SEMA3E: variants seen among roughly 807,000 people sequenced by gnomAD.
The protein encoded by SEMA3E is semaphorin 3E, also known as semaphorin-3E.
A neutral mutation model predicts 93.6 loss-of-function variants in SEMA3E; 49 were observed. The observed-to-expected ratio is 0.52, with a 90% CI of 0.42 to 0.66. The LOEUF is 0.66. SEMA3E is among the 30% of genes least tolerant of loss of function. SEMA3E has a pLI of 0.00. For missense variants in SEMA3E, 906 were observed against 964.8 expected, an observed-to-expected ratio of 0.94 and a Z score of 0.81; for synonymous variants, 363 against 330.7, an observed-to-expected ratio of 1.10 and a Z score of -1.06.
At position 83,648,736 on chromosome 7, in the gene SEMA3E, A is replaced by C; in HGVS notation, c.-194T>G. ...TGTAAAACCTTTCTTTCCTCGGGAC[A>C]GTTGTTTATAAGCCGGGAGCAAGAG... On this transcript the variant is annotated 5_prime_UTR_variant, in exon 1 of 17. Transcript: ENST00000643230. The C allele has an allele frequency of 9.4e-6, 6 of 640,268 alleles. No individual in the cohort carries two copies. Among genetic ancestry groups the C allele is most frequent in the Non-Finnish European group, 2.8e-6 (1 of 351,360 alleles). The allele number at this position is 640,268 out of a possible 1,614,324, so 39.7% of individuals were successfully genotyped here.
At chr7:83,619,892 T>TAGATAGAC (rs1281067079) in intron 1 of SEMA3E, among the ~76,000 whole-genome samples, 11 of 123,956 alleles carry the variant, frequency 8.9e-5, no homozygotes, top group African/African-American at 1.5e-4. Context: ...AGATGATAGA[T>TAGATAGAC]AGATAGATAG....
chr7:83,449,150 A>C (rs942552241), intron 4 of SEMA3E, among the ~76,000 whole-genome samples: 2 of 151,672 alleles, frequency 1.3e-5, no homozygotes, highest in African/African-American at 4.8e-5. Context: ...CTCAGGCTGG[A>C]GTGCAGTGGC....
At chr7:83,403,670 G>C (rs941893902) in intron 9 of SEMA3E, among the ~76,000 whole-genome samples, 2 of 151,840 alleles carry the variant, frequency 1.3e-5, no homozygotes, top group African/African-American at 4.8e-5. Flanking sequence ...AAAATTCAAA[G>C]TTCTATATAA....
At chr7:83,590,700 T>G (rs1183301778) in intron 1 of SEMA3E, among the ~76,000 whole-genome samples, 1 of 152,200 alleles carries the variant, frequency 6.6e-6, no homozygotes, top group African/African-American at 2.4e-5. Flanking sequence ...TGGACCTTGC[T>G]GTCTAGCTAT....
chr7:83,385,211 T>G, intron 16 of SEMA3E, 83 bp downstream of exon 16: 3 of 1,496,850 alleles, frequency 2.0e-6, no homozygotes, highest in Non-Finnish European at 2.8e-6. Context: ...AGCTTCATTT[T>G]TCAGCATCCA....
intron 2 of SEMA3E, among the ~76,000 whole-genome samples, chr7:83,480,724 C>T (rs1790127541): frequency 6.6e-6 from 1 of 152,086 alleles, no homozygotes; most frequent in East Asian, 1.9e-4. Context: ...TCTTCTTAGA[C>T]TTAAGTTCAA....
intron 1 of SEMA3E, among the ~76,000 whole-genome samples, chr7:83,593,772 AAG>A (rs1482480826): frequency 1.3e-5 from 2 of 151,994 alleles, no homozygotes; most frequent in Non-Finnish European, 2.9e-5. Flanking sequence ...CTAGAGATAA[AAG>A]AGAGTTCGGA....
intron 11 of SEMA3E, among the ~76,000 whole-genome samples, chr7:83,397,984 C>A (rs200061138): frequency 6.6e-6 from 1 of 152,022 alleles, no homozygotes. Flanking sequence ...ATGATTAATT[C>A]GCAATTAGTG....
intron 1 of SEMA3E, among the ~76,000 whole-genome samples, chr7:83,527,224 G>A (rs956912877): frequency 6.6e-6 from 1 of 152,094 alleles, no homozygotes; most frequent in Admixed American, 6.6e-5. Flanking sequence ...CCTTCAGAGG[G>A]AACATGGTTC....
At chr7:83,639,071 A>G (rs1273987475) in intron 1 of SEMA3E, among the ~76,000 whole-genome samples, 1 of 129,068 alleles carries the variant, frequency 7.7e-6, no homozygotes, top group Non-Finnish European at 1.6e-5. Flanking sequence ...AGATCCCGCC[A>G]CTGCACTCCA....
chr7:83,631,041 C>G (rs942936738), intron 1 of SEMA3E, among the ~76,000 whole-genome samples: 3 of 151,966 alleles, frequency 2.0e-5, no homozygotes, highest in African/African-American at 7.2e-5. Flanking sequence ...AGATTTCAAG[C>G]AAATTCAAGT....
At position 83,513,022 on chromosome 7, in the gene SEMA3E, A is replaced by G. The variant is rs73176547; in HGVS notation, c.116-22748T>C. Among the ~76,000 whole-genome samples, 1,026 of 152,318 alleles carry G rather than the reference A, an allele frequency of 6.7e-3. 6 individuals carry two copies. The highest frequency in any genetic ancestry group is 8.9e-3 in the Non-Finnish European group (605 of 68,034). ...TAAAGAATTTATATTTTTGCAATGTAAAAGAGCGAGTATCACATCAATTAT... is the reference window on the plus strand; with the variant it reads ...TAAAGAATTTATATTTTTGCAATGTGAAAGAGCGAGTATCACATCAATTAT... On this transcript the variant is annotated intron_variant, in intron 1 of 16. Transcript: ENST00000643230.
chr7:83,600,740 AC>A (rs1249604006), intron 1 of SEMA3E, among the ~76,000 whole-genome samples: 1 of 151,850 alleles, frequency 6.6e-6, no homozygotes, highest in African/African-American at 2.4e-5. Context: ...AGTCATCATC[AC>A]AGATAAATAA....
chr7:83,585,099 G>A (rs550795030), intron 1 of SEMA3E, among the ~76,000 whole-genome samples: 1 of 152,176 alleles, frequency 6.6e-6, no homozygotes, highest in South Asian at 2.1e-4. Context: ...TGCATGTGCT[G>A]TTCCCTCCAT....
At chr7:83,518,444 A>T (rs574759455) in intron 1 of SEMA3E, among the ~76,000 whole-genome samples, 1 of 152,068 alleles carries the variant, frequency 6.6e-6, no homozygotes, top group African/African-American at 2.4e-5. Context: ...AGGCTGATAG[A>T]TTGGAAAAGT....
intron 10 of SEMA3E, among the ~76,000 whole-genome samples, chr7:83,401,176 A>G (rs1254115210): frequency 6.6e-6 from 1 of 152,192 alleles, no homozygotes; most frequent in Non-Finnish European, 1.5e-5. Context: ...TTAAATACTC[A>G]ACAGTAGCTT....
At chr7:83,615,774 T>C (rs112626299) in intron 1 of SEMA3E, among the ~76,000 whole-genome samples, 2,674 of 152,200 alleles carry the variant, frequency 0.018, 78 homozygotes, top group African/African-American at 0.059. Flanking sequence ...AGCATTGTCT[T>C]CAGTGGAAGA....
intron 1 of SEMA3E, among the ~76,000 whole-genome samples, chr7:83,632,103 C>T (rs111874928): frequency 0.047 from 7,114 of 149,886 alleles, 457 homozygotes; most frequent in African/African-American, 0.15. Context: ...TGCAGTGAGC[C>T]GAGAGCACAC....
intron 5 of SEMA3E, among the ~76,000 whole-genome samples, chr7:83,412,832 A>T (rs907329859): frequency 2.0e-5 from 3 of 151,994 alleles, no homozygotes; most frequent in Non-Finnish European, 4.4e-5. Flanking sequence ...AAAATATCAA[A>T]CGAAAGAAAA....
Sources: allele counts gnomAD v4.1 joint callset (sites outside exome capture counted in the v4.1 genomes callset), GRCh38; gene constraint gnomAD v4.1.1; transcripts MANE v1.5; gene names NCBI Gene and HGNC (gene_info 2026-07-23, HGNC 2026-07-21).